The following FYB2 variants were observed in gnomAD, a reference collection of about 807,000 sequenced individuals.
FYB2 encodes FYN binding protein 2.
FYB2 carries 103 observed loss-of-function variants against 94.1 expected under a neutral mutation model. The ratio of observed to expected loss-of-function variants is 1.09; its 90% CI spans 0.93 to 1.29. FYB2 has a LOEUF of 1.29. FYB2 is among the 50% of genes most tolerant of loss of function. The pLI, the probability that FYB2 is intolerant of heterozygous loss-of-function variation, is 0.00. For synonymous variants in FYB2, 293 were observed against 287.9 expected, an observed-to-expected ratio of 1.02 and a Z score of -0.18; for missense variants, 896 against 841.5, an observed-to-expected ratio of 1.06 and a Z score of -0.80.
At chr1:56,721,313 G>A (rs934249605) in intron 17 of FYB2, among the ~76,000 whole-genome samples, 3 of 151,958 alleles carry the variant, frequency 2.0e-5, no homozygotes, top group Non-Finnish European at 4.4e-5. Flanking sequence ...CCAGGGTATT[G>A]TCTGTTTATA....
chr1:56,719,706 A>AAAAT lies in FYB2; in HGVS notation c.2166-18_2166-15dup, dbSNP rs747889919. On this transcript the variant is annotated splice_polypyrimidine_tract_variant and intron_variant, in intron 19 of 19. Transcript: ENST00000343433. ...CAACTTTGATGCCTGTGAAAAAATAAAAATATGCAAACATTTTAAAATATA... is the reference window on the plus strand; with the variant it reads ...CAACTTTGATGCCTGTGAAAAAATAAAAATAAATATGCAAACATTTTAAAATATA... 1.9e-6 allele frequency: 3 copies of AAAAT among 1,571,250 alleles called. No homozygotes were observed. The African/African-American group carries it at 4.1e-5, about 21-fold the overall frequency.
chr1:56,771,318 T>C (rs1441782388), intron 4 of FYB2, among the ~76,000 whole-genome samples: 1 of 152,094 alleles, frequency 6.6e-6, no homozygotes, highest in East Asian at 1.9e-4. Context: ...TACATCAACA[T>C]AGATAGAATA....
intron 15 of FYB2, among the ~76,000 whole-genome samples, chr1:56,728,200 C>A (rs1644624498): frequency 6.6e-6 from 1 of 152,108 alleles, no homozygotes; most frequent in Non-Finnish European, 1.5e-5. Flanking sequence ...TACTCCCCCT[C>A]TTACCCCTCC....
intron 5 of FYB2, among the ~76,000 whole-genome samples, chr1:56,763,589 T>C (rs1237551583): frequency 1.3e-5 from 2 of 152,228 alleles, no homozygotes; most frequent in East Asian, 1.9e-4. Flanking sequence ...ACAGAGTCTA[T>C]AATGATATCC....
upstream of FYB2, among the ~76,000 whole-genome samples, chr1:56,821,621 A>G (rs552084167): frequency 2.4e-4 from 37 of 152,332 alleles, no homozygotes; most frequent in Non-Finnish European, 2.2e-4. Context: ...CAATGAGTAA[A>G]CACCAGTAAT....
intron 5 of FYB2, among the ~76,000 whole-genome samples, chr1:56,761,216 T>A (rs1645486003): frequency 6.6e-6 from 1 of 152,196 alleles, no homozygotes; most frequent in Admixed American, 6.5e-5. Context: ...ATTACTAACA[T>A]AATAAAAATA....
chr1:56,802,669 C>T (rs1646549127), intron 1 of FYB2, among the ~76,000 whole-genome samples: 1 of 152,176 alleles, frequency 6.6e-6, no homozygotes, highest in South Asian at 2.1e-4. Flanking sequence ...TTAGGGACTT[C>T]AAAGCCTTCT....
At chr1:56,757,661 T>C (rs1645367931) in intron 6 of FYB2, among the ~76,000 whole-genome samples, 5 of 151,244 alleles carry the variant, frequency 3.3e-5, no homozygotes, top group Admixed American at 1.3e-4. Context: ...TTCTTTCTTT[T>C]TCTTTCTTTC....
At chr1:56,806,998 C>T (rs1316897062) in intron 1 of FYB2, among the ~76,000 whole-genome samples, 2 of 152,264 alleles carry the variant, frequency 1.3e-5, no homozygotes, top group South Asian at 2.1e-4. Flanking sequence ...CCAATTACAG[C>T]CCATCCCTGA....
chr1:56,776,489 T>A (rs2100866168), intron 4 of FYB2, among the ~76,000 whole-genome samples: 1 of 152,282 alleles, frequency 6.6e-6, no homozygotes, highest in Admixed American at 6.5e-5. Context: ...AGACTCTTTT[T>A]TTTCCCATTC....
chr1:56,722,351 CATAA>C (rs1467083051), intron 17 of FYB2, among the ~76,000 whole-genome samples: 1 of 152,016 alleles, frequency 6.6e-6, no homozygotes, highest in Non-Finnish European at 1.5e-5. Flanking sequence ...TGGATATAAA[CATAA>C]ATAAAATAAC....
At position 56,792,124 on chromosome 1, in the gene FYB2, G is replaced by A. The variant is rs1430473234; in HGVS notation, c.689C>T (p.Pro230Leu). 1 of 1,613,516 alleles carries A rather than the reference G, an allele frequency of 6.2e-7. No individual in the cohort carries two copies. The highest frequency in any genetic ancestry group is 1.3e-5 in the African/African-American group (1 of 74,874). ...HIRKSWENPP[P>L]ERSPASSPCQ... Reference sequence around the variant, plus strand: ...GGGGCTGCTTGCCGGGCTCCTCTCAGGAGGTGGGTTTTCCCAGCTTTTTCT... The same window carrying A: ...GGGGCTGCTTGCCGGGCTCCTCTCAAGAGGTGGGTTTTCCCAGCTTTTTCT... Residue 230 changes from proline (P) to leucine (L), a missense_variant, in exon 2 of 20, where the codon CCT (proline) becomes CTT (leucine). By Grantham distance (98) the Pro-to-Leu change is moderately conservative. Coordinates refer to ENST00000343433, the MANE Select transcript of FYB2 (RefSeq NM_001004303.5).
chr1:56,789,679 C>G (rs770842611), intron 2 of FYB2, among the ~76,000 whole-genome samples: 1 of 152,156 alleles, frequency 6.6e-6, no homozygotes, highest in Non-Finnish European at 1.5e-5. Flanking sequence ...CCCTGTAGCA[C>G]ATTGTTAATA....
At chr1:56,747,684 A>G (rs552140754) in intron 9 of FYB2, among the ~76,000 whole-genome samples, 15 of 152,188 alleles carry the variant, frequency 9.9e-5, no homozygotes, top group South Asian at 2.1e-4. Flanking sequence ...AGTCTTTGCT[A>G]TTGTAAATAG....
chr1:56,792,044 C>G lies in FYB2; in HGVS notation c.757+12G>C, dbSNP rs767436700. On this transcript the variant is annotated intron_variant, in intron 2 of 19. Transcript: ENST00000343433. Reference sequence around the variant, plus strand: ...TCCCTAGCCCCTGTCCCATGGGGATCACGTTTGTTACCTGGGGCCTGACTG... The same window carrying G: ...TCCCTAGCCCCTGTCCCATGGGGATGACGTTTGTTACCTGGGGCCTGACTG... 7 of 1,556,372 alleles carry G rather than the reference C, an allele frequency of 4.5e-6. No homozygotes were observed. In the Admixed American group the frequency reaches 1.0e-4, roughly 23 times the overall value.
intron 1 of FYB2, among the ~76,000 whole-genome samples, chr1:56,810,423 C>G (rs1212063319): frequency 1.3e-5 from 2 of 152,046 alleles, no homozygotes; most frequent in Non-Finnish European, 2.9e-5. Flanking sequence ...AGGCAGCTAA[C>G]AATGCTAGTA....
At chr1:56,796,041 A>G (rs1646390194) in intron 1 of FYB2, among the ~76,000 whole-genome samples, 1 of 152,176 alleles carries the variant, frequency 6.6e-6, no homozygotes, top group Non-Finnish European at 1.5e-5. Flanking sequence ...ATTAGAGACA[A>G]AGTGCTATGT....
intron 7 of FYB2, among the ~76,000 whole-genome samples, chr1:56,755,227 A>G (rs540406249): frequency 1.3e-5 from 2 of 152,220 alleles, no homozygotes; most frequent in African/African-American, 4.8e-5. Flanking sequence ...TTGGCCCTAC[A>G]TACAAGGAGC....
At position 56,740,797 on chromosome 1, in the gene FYB2, TGA is replaced by T. The variant is rs770746670; in HGVS notation, c.1605-4_1605-3del. On this transcript the variant is annotated splice_region_variant and splice_polypyrimidine_tract_variant and intron_variant, in intron 12 of 19. Transcript: ENST00000343433. ...TTGAGTGCTTCTTTTCCATCTAAAC[TGA>T]GAGGAATCACAGGATATAAGTAACA... The T allele has an allele frequency of 3.2e-6, 5 of 1,579,652 alleles. No individual in the cohort carries two copies. The highest frequency in any genetic ancestry group is 3.9e-4 in the Middle Eastern group (2 of 5,150).
Sources: allele counts gnomAD v4.1 joint callset (sites outside exome capture counted in the v4.1 genomes callset), GRCh38; gene constraint gnomAD v4.1.1; transcripts MANE v1.5; gene names NCBI Gene and HGNC (gene_info 2026-07-23, HGNC 2026-07-21).